The following GEMIN5 variants were observed in gnomAD, a reference collection of about 807,000 sequenced individuals.
GEMIN5 encodes the protein gem nuclear organelle associated protein 5, also known as gem-associated protein 5.
In GEMIN5, 124 loss-of-function variants were observed where a neutral mutation model predicts 176.9. That is an observed-to-expected ratio of 0.70 (90% CI 0.61 to 0.81). The LOEUF (loss-of-function observed/expected upper bound fraction) is 0.81, where lower values mean the gene tolerates loss of function less well. Ranked by LOEUF, GEMIN5 falls within the 40% of genes least tolerant of loss-of-function variation. GEMIN5 has a pLI of 0.00. For synonymous variants in GEMIN5, 673 were observed against 665.2 expected (o/e 1.01, Z -0.18); for missense variants, 1,843 against 1,814.6 (o/e 1.02, Z -0.28).
At chr5:154,921,533 T>C in intron 9 of GEMIN5, 108 bp from the exon 10 acceptor site, 1 of 643,776 alleles carries the variant, frequency 1.6e-6, no homozygotes, top group Non-Finnish European at 2.7e-6. Flanking sequence ...TAACTACTAA[T>C]AATTGGAGAA....
chr5:154,899,336 C>A, intron 21 of GEMIN5, 26 bp from the exon 22 acceptor site: 1 of 1,584,076 alleles, frequency 6.3e-7, no homozygotes, highest in Non-Finnish European at 8.6e-7. Context: ...GACCCTTTAG[C>A]CAATCTGAAA....
intron 9 of GEMIN5, among the ~76,000 whole-genome samples, chr5:154,924,096 A>G (rs1473211642): frequency 1.3e-5 from 2 of 152,244 alleles, no homozygotes; most frequent in South Asian, 2.1e-4. Flanking sequence ...GAGATTTTTA[A>G]TTTTCTTTAA....
Position 154,927,424 on chromosome 5 carries a change from A to G in GEMIN5, c.1041T>C (p.Asp347=), listed in dbSNP as rs760712813. The G allele has an allele frequency of 1.9e-6, 3 of 1,593,328 alleles. No homozygotes were observed. The highest frequency in any genetic ancestry group is 2.2e-5 in the East Asian group (1 of 44,764). The change falls in exon 7 of 28, where the codon GAT becomes GAC. Residue 347 remains aspartate, a synonymous_variant. Transcript: ENST00000285873. ...VFNLCPLQTE[D]DKQLLLSTSM... is the part of the protein sequence containing the mutation. The stretch of plus-strand genomic sequence containing the variant: ...ATGTAGAAAGTAATAGCTGTTTGTC[A>G]TCCTCTGTTTGTAAAGGACATAAAT...
intron 3 of GEMIN5, among the ~76,000 whole-genome samples, chr5:154,933,356 A>G (rs1463134302): frequency 6.6e-6 from 1 of 152,180 alleles, no homozygotes; most frequent in East Asian, 1.9e-4. Context: ...TCTGTTTGTA[A>G]TTCATCCATG....
Position 154,892,590 on chromosome 5 carries a change from C to T in GEMIN5, c.3598-41G>A, listed in dbSNP as rs373807005. On this transcript the variant is annotated intron_variant, in intron 24 of 27. Coordinates refer to ENST00000285873, the MANE Select transcript of GEMIN5 (RefSeq NM_015465.5). ...AGAGTCTGAGTTAAACATCCTCCCA[C>T]GGTAGGCGCAGAGGATGCCACCAAA... 3.1e-4 allele frequency: 498 copies of T among 1,595,160 alleles called. 1 individual carries two copies. The highest frequency in any genetic ancestry group is 3.2e-4 in the Admixed American group (19 of 59,166).
intron 16 of GEMIN5, among the ~76,000 whole-genome samples, chr5:154,905,714 T>G (rs1013166601): frequency 2.6e-5 from 4 of 151,900 alleles, no homozygotes; most frequent in Admixed American, 6.6e-5. Flanking sequence ...TTTTTTTTTT[T>G]TTGAGACGAA....
chr5:154,921,352 T>G lies in GEMIN5; in HGVS notation c.1453A>C (p.Met485Leu). ...TLAWGPPVPP[M>L]SLGGEGDRPS... The stretch of plus-strand genomic sequence containing the variant: ...TTGTTCAGATACTTACCAAGTGACA[T>G]GGGGGGTACTGGTGGCCCCCAGGCT... The change falls in exon 10 of 28, where the codon ATG (methionine) becomes CTG (leucine). Residue 485 changes from methionine (M) to leucine (L), a missense_variant. Coordinates refer to ENST00000285873, the MANE Select transcript of GEMIN5 (RefSeq NM_015465.5). 7.6e-7 allele frequency: 1 copy of G among 1,322,430 alleles called. No individual in the cohort carries two copies. The highest frequency in any genetic ancestry group is 1.1e-6 in the Non-Finnish European group (1 of 919,598). The allele number at this position is 1,322,430 out of a possible 1,614,324, so 81.9% of individuals were successfully genotyped here. A position where few individuals can be genotyped will look rare whatever the true frequency, so the allele number is the denominator to read the frequency against.
At chr5:154,909,504 GTAATA>G (rs1164029877) in intron 15 of GEMIN5, among the ~76,000 whole-genome samples, 1 of 151,814 alleles carries the variant, frequency 6.6e-6, no homozygotes, top group Non-Finnish European at 1.5e-5. Flanking sequence ...TTACTGAGGG[GTAATA>G]TAATAAAATA....
intron 15 of GEMIN5, among the ~76,000 whole-genome samples, chr5:154,909,857 T>C (rs995749164): frequency 2.6e-5 from 4 of 151,964 alleles, no homozygotes; most frequent in Non-Finnish European, 4.4e-5. Flanking sequence ...CACGCACCTA[T>C]AGTCACAGCT....
chr5:154,931,625 C>A, intron 4 of GEMIN5, 48 bp from the exon 5 acceptor site: 1 of 1,497,574 alleles, frequency 6.7e-7, no homozygotes, highest in Non-Finnish European at 9.1e-7. Context: ...TAAACACGCA[C>A]TAATATAAAA....
chr5:154,910,670 T>C (rs904604723), intron 15 of GEMIN5, among the ~76,000 whole-genome samples: 18 of 152,200 alleles, frequency 1.2e-4, no homozygotes, highest in African/African-American at 4.1e-4. Context: ...TTAATCTTTC[T>C]TAGCCAGGAA....
At chr5:154,928,726 G>A in intron 5 of GEMIN5, 67 bp from the exon 6 acceptor site, 1 of 1,396,712 alleles carries the variant, frequency 7.2e-7, no homozygotes, top group Non-Finnish European at 1.0e-6. Flanking sequence ...AGTCACCGGT[G>A]GTTCATAACA....
At chr5:154,920,251 T>C in intron 10 of GEMIN5, 148 bp from the exon 11 acceptor site, 1 of 537,500 alleles carries the variant, frequency 1.9e-6, no homozygotes, top group Non-Finnish European at 3.1e-6. Context: ...AAAATCACTG[T>C]TCTTTCCACC....
Position 154,928,522 on chromosome 5 carries a change from C to T in GEMIN5, c.914+5G>A. The T allele has an allele frequency of 2.5e-6, 4 of 1,613,608 alleles. No individual in the cohort carries two copies. Among genetic ancestry groups the T allele is most frequent in the Non-Finnish European group, 3.4e-6 (4 of 1,179,812 alleles). On this transcript the variant is annotated splice_donor_5th_base_variant and intron_variant, in intron 6 of 27. Transcript: ENST00000285873. Reference sequence around the variant, plus strand: ...TCTGAGAAAGCATGACCAAAAAAGACTTACCCAAAACAGCTAGATACCAGC... The same window carrying T: ...TCTGAGAAAGCATGACCAAAAAAGATTTACCCAAAACAGCTAGATACCAGC...
rs141048056 is a variant in GEMIN5, at chr5:154,912,727, A to G, written c.1995+172T>C. ...GTAACAAAAAAAAAAACCCAGTCTTAGCCTAGGCCCTATGTGGAATGAAAC... is the reference window on the plus strand; with the variant it reads ...GTAACAAAAAAAAAAACCCAGTCTTGGCCTAGGCCCTATGTGGAATGAAAC... On this transcript the variant is annotated intron_variant, in intron 14 of 27. Coordinates refer to ENST00000285873, the MANE Select transcript of GEMIN5 (RefSeq NM_015465.5). 3.4e-3 allele frequency among the ~76,000 whole-genome samples: 511 copies of G among 152,152 alleles called. 1 individual carries two copies. The highest frequency in any genetic ancestry group is 0.012 in the Admixed American group (185 of 15,282).
intron 27 of GEMIN5, 47 bp downstream of exon 27, chr5:154,889,274 T>A: frequency 1.0e-6 from 1 of 970,600 alleles, no homozygotes; most frequent in Non-Finnish European, 1.7e-6. Flanking sequence ...AGTCAAGTGA[T>A]AACACAAAAA....
At chr5:154,902,487 C>G in intron 20 of GEMIN5, 52 bp downstream of exon 20, 1 of 1,573,464 alleles carries the variant, frequency 6.4e-7, no homozygotes, top group Non-Finnish European at 8.7e-7. Flanking sequence ...GTGGACGTAT[C>G]CTAGAGATGA....
Position 154,926,009 on chromosome 5 carries a change from T to C in GEMIN5, c.1146A>G (p.Ala382=), listed in dbSNP as rs569002205. Residue 382 remains alanine (A), a synonymous_variant, in exon 8 of 28, where the codon GCA becomes GCG. Transcript: ENST00000285873. ...SWTLPSLGGF[A]YSLAFSSVDI... Reference sequence around the variant, plus strand: ...CCACAGAAGAGAAAGCCAGGCTGTATGCAAACCCACCAAGGGAAGGAAGGG... The same window carrying C: ...CCACAGAAGAGAAAGCCAGGCTGTACGCAAACCCACCAAGGGAAGGAAGGG... 6.8e-6 allele frequency: 11 copies of C among 1,613,810 alleles called. No homozygotes were observed. In the East Asian group the frequency reaches 1.8e-4, roughly 26 times the overall value.
chr5:154,912,024 T>C (rs984857198), intron 14 of GEMIN5, 126 bp from the exon 15 acceptor site: 3 of 824,066 alleles, frequency 3.6e-6, no homozygotes, highest in Non-Finnish European at 5.6e-6. Context: ...TTTCCTCAGG[T>C]GATTTAGAGT....
Sources: gnomAD v4.1 joint callset for allele counts (sites outside exome capture counted in the v4.1 genomes callset) on GRCh38, gnomAD v4.1.1 for gene constraint, MANE v1.5 for transcripts, NCBI Gene and HGNC (gene_info 2026-07-23, HGNC 2026-07-21) for gene names.